Variants in ZNF727 observed in about 807,000 individuals in gnomAD.
ZNF727 encodes the protein putative zinc finger protein 727.
Under a neutral mutation model 11.5 loss-of-function variants are expected in ZNF727, and 11 were observed. The observed-to-expected ratio is 0.95, with a 90% CI of 0.60 to 1.58. The LOEUF (loss-of-function observed/expected upper bound fraction) is 1.58. Among genes scored for constraint, ZNF727 ranks in the 40% most tolerant of loss-of-function variants. ZNF727 has a pLI of 0.00. For synonymous variants in ZNF727, 171 were observed against 196.1 expected, an observed-to-expected ratio of 0.87 and a Z score of 1.07; for missense variants, 533 against 581.7, an observed-to-expected ratio of 0.92 and a Z score of 0.86.
intron 1 of ZNF727, among the ~76,000 whole-genome samples, chr7:64,058,976 G>T (rs117468779): frequency 0.016 from 2,286 of 141,202 alleles, 113 homozygotes; most frequent in East Asian, 0.16. Context: ...ACGGAGTCTC[G>T]ATCAGTTGCC....
chr7:64,066,311 T>G (rs1230537449), intron 1 of ZNF727, among the ~76,000 whole-genome samples: 1 of 152,110 alleles, frequency 6.6e-6, no homozygotes, highest in Non-Finnish European at 1.5e-5. Context: ...TACTTTAAAT[T>G]TTATATGGAA....
At chr7:64,052,027 A>G (rs552881269) in intron 1 of ZNF727, among the ~76,000 whole-genome samples, 208 of 152,266 alleles carry the variant, frequency 1.4e-3, no homozygotes, top group African/African-American at 4.6e-3. Flanking sequence ...TTATGTTTCT[A>G]AGGGATGTTA....
rs1785738823 is a variant in ZNF727 at position 64,078,908 on chromosome 7, T to G, written c.*359T>G. ...TCATATTGGAGAGAAACCCTACAAATGTAATGAATGTGGAAAAGGTTTTAT... is the reference window on the plus strand; with the variant it reads ...TCATATTGGAGAGAAACCCTACAAAGGTAATGAATGTGGAAAAGGTTTTAT... On this transcript the variant is annotated 3_prime_UTR_variant, in exon 4 of 4. Transcript: ENST00000456806. Among the ~76,000 whole-genome samples, 1 of 152,054 alleles carries G rather than the reference T, an allele frequency of 6.6e-6. No homozygotes were observed. Among genetic ancestry groups the G allele is most frequent in the African/African-American group, 2.4e-5 (1 of 41,412 alleles).
In ZNF727 at chr7:64,062,685, AAT is replaced by A. The variant is rs71057374; in HGVS notation, c.4-6189_4-6188del. ...GCATTCTATAACCTTCTTGTACTTG[AAT>A]ATATATATATATATATGAAGTTCTC... On this transcript the variant is annotated intron_variant, in intron 1 of 3. Coordinates refer to ENST00000456806, the MANE Select transcript of ZNF727 (RefSeq NM_001159522.3). Among the ~76,000 whole-genome samples, 23 of 89,950 alleles carry A rather than the reference AAT, an allele frequency of 2.6e-4. 3 individuals are homozygous for A. The highest frequency in any genetic ancestry group is 1.4e-3 in the South Asian group (4 of 2,832). 59.0% of individuals were successfully genotyped at this position (89,950 alleles called of 152,430 possible).
At chr7:64,062,016 CTTTTT>C (rs1303390617) in intron 1 of ZNF727, among the ~76,000 whole-genome samples, 1 of 132,440 alleles carries the variant, frequency 7.6e-6, no homozygotes, top group Non-Finnish European at 1.7e-5. Context: ...TATCTCCCAA[CTTTTT>C]AACATTTTGT....
chr7:64,054,325 AG>A (rs1789649437), intron 1 of ZNF727, among the ~76,000 whole-genome samples: 1 of 152,234 alleles, frequency 6.6e-6, no homozygotes, highest in Non-Finnish European at 1.5e-5. Context: ...GCTGGGGTAG[AG>A]ACCAATATAT....
intron 1 of ZNF727, among the ~76,000 whole-genome samples, chr7:64,052,530 G>T (rs12668280): frequency 0.64 from 97,087 of 151,958 alleles, 31,762 homozygotes; most frequent in Non-Finnish European, 0.71. Context: ...GAGAACATCT[G>T]CTAGAGCAGT....
At chr7:64,058,067 TC>T in intron 1 of ZNF727, among the ~76,000 whole-genome samples, 1 of 152,188 alleles carries the variant, frequency 6.6e-6, no homozygotes, top group East Asian at 1.9e-4. Flanking sequence ...GTTGTTTTGC[TC>T]ATGTTTTTGA....
chr7:64,052,951 C>T (rs916446910), intron 1 of ZNF727, among the ~76,000 whole-genome samples: 1 of 152,186 alleles, frequency 6.6e-6, no homozygotes, highest in Non-Finnish European at 1.5e-5. Context: ...TGCCTTTACC[C>T]CCATTGTAAC....
chr7:64,073,770 A>G (rs1420978994), intron 3 of ZNF727, among the ~76,000 whole-genome samples: 2 of 152,154 alleles, frequency 1.3e-5, no homozygotes, highest in African/African-American at 2.4e-5. Context: ...TTCTAAGATA[A>G]AGAGACTTTT....
intron 1 of ZNF727, among the ~76,000 whole-genome samples, chr7:64,050,047 A>C: frequency 6.6e-6 from 1 of 151,880 alleles, no homozygotes; most frequent in East Asian, 1.9e-4. Context: ...AAAAGCAATA[A>C]ACTTTCTACA....
Position 64,045,497 on chromosome 7 carries a change from T to G in ZNF727, c.-125T>G, listed in dbSNP as rs1789486366. On this transcript the variant is annotated 5_prime_UTR_variant, in exon 1 of 4. Transcript: ENST00000456806. ...CTAGGCTCTGAGTCCAGTACCCGTC[T>G]GTACTATTCCATCTCTTCCGCTCCA... 1 of 1,315,500 alleles carries G rather than the reference T, an allele frequency of 7.6e-7. No homozygotes were observed. The highest frequency in any genetic ancestry group is 1.5e-5 in the African/African-American group (1 of 68,434). 81.5% of individuals were successfully genotyped at this position (1,315,500 alleles called of 1,614,324 possible). A position where few individuals can be genotyped will look rare whatever the true frequency, so the allele number is the denominator to read the frequency against.
intron 3 of ZNF727, 98 bp from the exon 4 acceptor site, chr7:64,077,178 T>A: frequency 8.3e-7 from 1 of 1,201,028 alleles, no homozygotes; most frequent in East Asian, 2.6e-5. Flanking sequence ...TTTTATTATG[T>A]CACCTTGTTA....
At position 64,084,722 on chromosome 7, in the gene ZNF727, C is replaced by T. The variant is rs566874697; in HGVS notation, c.*6173C>T. On this transcript the variant is annotated 3_prime_UTR_variant, in exon 4 of 4. Transcript: ENST00000456806. ...TATGACTTCTCTCGTCTGCTAAACACGTACAGACCTTTAGTTTTGATTTAC... is the reference window on the plus strand; with the variant it reads ...TATGACTTCTCTCGTCTGCTAAACATGTACAGACCTTTAGTTTTGATTTAC... Among the ~76,000 whole-genome samples, 120 of 152,218 alleles carry T rather than the reference C, an allele frequency of 7.9e-4. 2 individuals are homozygous for T. The highest frequency in any genetic ancestry group is 1.0e-3 in the South Asian group (5 of 4,828).
Position 64,083,853 on chromosome 7 carries a change from A to C in ZNF727, c.*5304A>C, listed in dbSNP as rs756533949. Among the ~76,000 whole-genome samples the C allele has an allele frequency of 6.6e-6, 1 of 152,100 alleles. No individual in the cohort carries two copies. Among genetic ancestry groups the C allele is most frequent in the Non-Finnish European group, 1.5e-5 (1 of 68,026 alleles). On this transcript the variant is annotated 3_prime_UTR_variant, in exon 4 of 4. Transcript: ENST00000456806. The stretch of plus-strand genomic sequence containing the variant: ...GCAAGTACCTGGATGTTTCAGTTGA[A>C]GGTGCTGTATCTATGCACACCTTGC...
At chr7:64,046,971 G>A (rs1442522703) in intron 1 of ZNF727, among the ~76,000 whole-genome samples, 2 of 148,794 alleles carry the variant, frequency 1.3e-5, no homozygotes, top group Admixed American at 6.6e-5. Flanking sequence ...TTAAGCCTAA[G>A]TTTTGTGTTT....
chr7:64,060,051 CA>C (rs1789746375), intron 1 of ZNF727, among the ~76,000 whole-genome samples: 1 of 151,912 alleles, frequency 6.6e-6, no homozygotes, highest in Non-Finnish European at 1.5e-5. Context: ...TGAATATAGC[CA>C]ATTTAAATTT....
chr7:64,063,910 C>T (rs1220372610), intron 1 of ZNF727, among the ~76,000 whole-genome samples: 1 of 152,122 alleles, frequency 6.6e-6, no homozygotes, highest in African/African-American at 2.4e-5. Context: ...GTCACCACCA[C>T]CCAGAGCCCA....
rs928005088 is a variant in ZNF727 at position 64,083,003 on chromosome 7, A to C, written c.*4454A>C. On this transcript the variant is annotated 3_prime_UTR_variant, in exon 4 of 4. Coordinates refer to ENST00000456806, the MANE Select transcript of ZNF727 (RefSeq NM_001159522.3). ...CAAAGCCAGAAGGCTGGAACAGCTA[A>C]GTCACACAAACAGCAAAAATGGCCG... 2.0e-4 allele frequency among the ~76,000 whole-genome samples: 31 copies of C among 152,388 alleles called. No homozygotes were observed. The highest frequency in any genetic ancestry group is 7.2e-4 in the African/African-American group (30 of 41,600).
Sources: gnomAD v4.1 joint callset for allele counts (sites outside exome capture counted in the v4.1 genomes callset) on GRCh38, gnomAD v4.1.1 for gene constraint, MANE v1.5 for transcripts, NCBI Gene and HGNC (gene_info 2026-07-23, HGNC 2026-07-21) for gene names.